ST6GALNAC6: variants seen among roughly 807,000 people sequenced by gnomAD.
The protein encoded by ST6GALNAC6 is alpha-N-acetylgalactosaminide alpha-2,6-sialyltransferase 6.
A neutral mutation model predicts 34.3 loss-of-function variants in ST6GALNAC6; 19 were observed. That is an observed-to-expected ratio of 0.55 (90% CI 0.39 to 0.81). The LOEUF (loss-of-function observed/expected upper bound fraction) is 0.81. Ranked by LOEUF, ST6GALNAC6 falls within the 40% of genes least tolerant of loss-of-function variation. The probability of loss-of-function intolerance (pLI) is 0.00; values close to 1 mark genes in which losing one functional copy is unlikely to be tolerated. For synonymous variants in ST6GALNAC6, 185 were observed against 182.1 expected, an observed-to-expected ratio of 1.02 and a Z score of -0.13; for missense variants, 377 against 467.7, an observed-to-expected ratio of 0.81 and a Z score of 1.79.
chr9:127,904,436 C>G (rs1282635615), upstream of ST6GALNAC6: 1 of 152,152 alleles, frequency 6.6e-6, no homozygotes, highest in Non-Finnish European at 1.5e-5. Context: ...AGGAGAGGCC[C>G]GTGTATCCCC....
chr9:127,891,072 A>G, intron 4 of ST6GALNAC6, 29 bp from the exon 5 acceptor site: 1 of 1,608,764 alleles, frequency 6.2e-7, no homozygotes, highest in Non-Finnish European at 8.5e-7. Context: ...CAACATTATC[A>G]CGGCCACTCT....
chr9:127,891,136 G>A (rs1830111348), intron 4 of ST6GALNAC6, 93 bp from the exon 5 acceptor site: 2 of 1,421,112 alleles, frequency 1.4e-6, no homozygotes, highest in African/African-American at 1.4e-5. Context: ...GAATTGTTAT[G>A]CCCATTTTAA....
At position 127,896,297 on chromosome 9, in the gene ST6GALNAC6, G is replaced by A. The variant is rs1830450942; in HGVS notation, c.62C>T (p.Ala21Val). Residue 21 changes from alanine to valine, a missense_variant, in exon 3 of 7, where the codon GCA becomes GTA. By Grantham distance (64) the Ala-to-Val change is moderately conservative. Transcript: ENST00000373146. ...GCTGAGGGGTAGGTGTCGGCGTCCT[G>A]CAGGTGGCCCTGGGGGCAGGGATGT... ...EPTSLPPGPP[A>V]GRRHLPLSRR... 6.2e-7 allele frequency: 1 copy of A among 1,613,860 alleles called. No individual in the cohort carries two copies. The highest frequency in any genetic ancestry group is 2.2e-5 in the East Asian group (1 of 44,890).
intron 1 of ST6GALNAC6, among the ~76,000 whole-genome samples, chr9:127,898,568 G>A (rs888127132): frequency 1.3e-5 from 2 of 152,222 alleles, no homozygotes; most frequent in African/African-American, 4.8e-5. Context: ...GACTTTCCCG[G>A]AATATCAAGG....
upstream of ST6GALNAC6, chr9:127,903,959 C>G (rs1830845046): frequency 6.6e-6 from 1 of 152,202 alleles, no homozygotes. Context: ...AGCTGCCTGT[C>G]CCGCCTGCCA....
Position 127,890,086 on chromosome 9 carries a change from C to T in ST6GALNAC6, c.704+551G>A, listed in dbSNP as rs925209655. ...AGCTAGGACTACAGGTACAAGCCAC[C>T]GCACACAGCTATTCACTAATTTTAA... On this transcript the variant is annotated intron_variant, in intron 5 of 6. Transcript: ENST00000373146. This position sits in a 1 kb window ranked among gnomAD's most constrained non-coding sequence, Gnocchi z 4.3. 1.4e-4 allele frequency among the ~76,000 whole-genome samples: 22 copies of T among 152,246 alleles called. No individual in the cohort carries two copies. The highest frequency in any genetic ancestry group is 4.8e-4 in the African/African-American group (20 of 41,528).
chr9:127,904,040 C>A (rs147780825), upstream of ST6GALNAC6: 1 of 152,198 alleles, frequency 6.6e-6, no homozygotes, highest in East Asian at 1.9e-4. Context: ...GCCCCAAGAA[C>A]GACAGCAACC....
In ST6GALNAC6 at chr9:127,886,035, G is replaced by C. The variant is rs1490327846; in HGVS notation, c.*564C>G. On this transcript the variant is annotated 3_prime_UTR_variant, in exon 7 of 7. Transcript: ENST00000373146. ...CAGAGAGGGGGAAGGGTTTGTCCAAGGTCTCAGGGCAGAGCCAAGACCTGG... is the reference window on the plus strand; with the variant it reads ...CAGAGAGGGGGAAGGGTTTGTCCAACGTCTCAGGGCAGAGCCAAGACCTGG... 1.3e-5 allele frequency: 2 copies of C among 155,592 alleles called. No homozygotes were observed. The highest frequency in any genetic ancestry group is 2.8e-5 in the Non-Finnish European group (2 of 70,430). The allele number at this position is 155,592 out of a possible 1,614,324, so 9.6% of individuals were successfully genotyped here.
rs1830511859 is a variant in ST6GALNAC6, at chr9:127,897,144, C to T, written c.26+812G>A. ...AGGAGGCCGGCCCAGCTCTGCTCCGCACACCCCAATCTCTTCCTCTCCCAC... is the reference window on the plus strand; with the variant it reads ...AGGAGGCCGGCCCAGCTCTGCTCCGTACACCCCAATCTCTTCCTCTCCCAC... On this transcript the variant is annotated intron_variant, in intron 2 of 6. Transcript: ENST00000373146. The T allele has an allele frequency of 6.1e-6, 6 of 983,244 alleles. No homozygotes were observed. The South Asian group carries it at 1.9e-4, about 31-fold the overall frequency. 60.9% of individuals were successfully genotyped at this position (983,244 alleles called of 1,614,324 possible).
At chr9:127,888,256 C>T (rs1398181311) in intron 5 of ST6GALNAC6, among the ~76,000 whole-genome samples, 1 of 152,110 alleles carries the variant, frequency 6.6e-6, no homozygotes, top group Non-Finnish European at 1.5e-5. Context: ...GTAATCCTGG[C>T]ACTTTGGGAG....
At chr9:127,891,879 C>T (rs193122639) in intron 4 of ST6GALNAC6, among the ~76,000 whole-genome samples, 85 of 150,612 alleles carry the variant, frequency 5.6e-4, no homozygotes, top group African/African-American at 2.0e-3. Flanking sequence ...AGTCCAGGTG[C>T]GATGGCTCAC....
intron 5 of ST6GALNAC6, among the ~76,000 whole-genome samples, chr9:127,888,378 C>T (rs931986235): frequency 1.3e-5 from 2 of 151,720 alleles, no homozygotes; most frequent in African/African-American, 4.8e-5. Context: ...GTGGCACGTG[C>T]CTGTAGTCCC....
At chr9:127,893,080 C>T (rs971450164) in intron 4 of ST6GALNAC6, among the ~76,000 whole-genome samples, 25 of 152,162 alleles carry the variant, frequency 1.6e-4, no homozygotes, top group African/African-American at 5.6e-4. Context: ...AAGAAGCTGT[C>T]CGGCTGTAAC....
intron 2 of ST6GALNAC6, 52 bp downstream of exon 2, chr9:127,897,904 T>C: frequency 6.2e-7 from 1 of 1,613,410 alleles, no homozygotes; most frequent in Non-Finnish European, 8.5e-7. Flanking sequence ...GAGAAGGCCA[T>C]GGTCAGTACA....
At chr9:127,900,608 C>T (rs931921420), upstream of ST6GALNAC6, among the ~76,000 whole-genome samples, 1 of 140,334 alleles carries the variant, frequency 7.1e-6, no homozygotes, top group African/African-American at 2.6e-5. Flanking sequence ...GTCAGTATGT[C>T]TTGGCAGGAA....
At position 127,886,611 on chromosome 9, in the gene ST6GALNAC6, G is replaced by C; in HGVS notation, c.990C>G (p.Pro330=). Residue 330 remains proline (P), a synonymous_variant, in exon 7 of 7, where the codon CCC becomes CCG. Transcript: ENST00000373146. ...AQLYGITFSH[P]SWT is the part of the protein sequence containing the mutation. ...CAGGCTGGGTGGCCTAGGTCCAGGAGGGGTGGGAGAAGGTGATGCCATACA... is the reference window on the plus strand; with the variant it reads ...CAGGCTGGGTGGCCTAGGTCCAGGACGGGTGGGAGAAGGTGATGCCATACA... 6.2e-7 allele frequency: 1 copy of C among 1,614,024 alleles called. No individual in the cohort carries two copies. Among genetic ancestry groups the C allele is most frequent in the Non-Finnish European group, 8.5e-7 (1 of 1,179,988 alleles).
At position 127,887,577 on chromosome 9, in the gene ST6GALNAC6, G is replaced by GA. The variant is rs1829858626; in HGVS notation, c.718dup (p.Ser240PhefsTer18). On this transcript the variant is annotated frameshift_variant, in exon 6 of 7. Coordinates refer to ENST00000373146, the MANE Select transcript of ST6GALNAC6 (RefSeq NM_013443.5). LOFTEE classifies it high-confidence loss of function. ...GGTAAACCAGCCTGTGCTCAACCAC[G>GA]AATGAGACTTCTCCCTGGGGATGGA... 1 of 1,610,934 alleles carries GA rather than the reference G, an allele frequency of 6.2e-7. No homozygotes were observed. Among genetic ancestry groups the GA allele is most frequent in the African/African-American group, 1.3e-5 (1 of 74,862 alleles).
chr9:127,905,654 C>CA (rs1830898142), upstream of ST6GALNAC6, among the ~76,000 whole-genome samples: 1 of 152,200 alleles, frequency 6.6e-6, no homozygotes, highest in Admixed American at 6.5e-5. Context: ...AGGGCAGGGC[C>CA]AGCCCAGGGC....
At chr9:127,899,459 C>A in intron 1 of ST6GALNAC6, 44 bp downstream of exon 1, 2 of 857,006 alleles carry the variant, frequency 2.3e-6, no homozygotes, top group South Asian at 5.1e-5. Flanking sequence ...GCCCCCGCCT[C>A]CGCCCCCGCC....
Sources: allele counts gnomAD v4.1 joint callset (sites outside exome capture counted in the v4.1 genomes callset), GRCh38; gene constraint gnomAD v4.1.1; non-coding constraint Gnocchi (gnomAD v3.1); transcripts MANE v1.5; gene names NCBI Gene and HGNC (gene_info 2026-07-23, HGNC 2026-07-21).